Variants in MALRD1 observed in about 807,000 individuals in gnomAD.
The protein encoded by MALRD1 is MAM and LDL-receptor class A domain-containing protein 1.
Under a neutral mutation model 242.1 loss-of-function variants are expected in MALRD1, and 247 were observed. The observed-to-expected ratio is 1.02, with a 90% confidence interval of 0.92 to 1.13. The LOEUF (loss-of-function observed/expected upper bound fraction) is 1.13. Among genes scored for constraint, MALRD1 ranks in the 50% most tolerant of loss-of-function variants. The probability of loss-of-function intolerance (pLI) is 0.00; values close to 1 mark genes in which losing one functional copy is unlikely to be tolerated. For missense variants in MALRD1, 2,989 were observed against 2,533.1 expected (o/e 1.18, Z -3.86); for synonymous variants, 995 against 866.6 (o/e 1.15, Z -2.60).
intron 36 of MALRD1, among the ~76,000 whole-genome samples, chr10:19,631,635 C>T (rs7903225): frequency 0.14 from 21,837 of 152,002 alleles, 2,667 homozygotes; most frequent in African/African-American, 0.33. Flanking sequence ...CATTTTTCTC[C>T]ATAACCTCAC....
chr10:19,347,912 A>T lies in MALRD1; in HGVS notation c.4043A>T (p.Asn1348Ile). Residue 1348 changes from asparagine (N) to isoleucine (I), a missense_variant, in exon 25 of 40, where the codon AAT becomes ATT. Transcript: ENST00000454679. ...CCAGCAGCAGATCACACTTTGGGAA[A>T]TTCATCTGGTCATTACATCTTTATA... is the stretch of plus-strand genomic sequence containing the variant. ...TEPAADHTLGNSSGHYIFIKS... is the reference protein window; with the variant it reads ...TEPAADHTLGISSGHYIFIKS... 6.5e-7 allele frequency: 1 copy of T among 1,550,332 alleles called. No individual in the cohort carries two copies. The highest frequency in any genetic ancestry group is 1.2e-5 in the South Asian group (1 of 84,056).
At chr10:19,338,650 G>A (rs992424268) in intron 24 of MALRD1, among the ~76,000 whole-genome samples, 1 of 151,130 alleles carries the variant, frequency 6.6e-6, no homozygotes, top group Non-Finnish European at 1.5e-5. Context: ...ATATTTATGG[G>A]GTACATGAGA....
intron 31 of MALRD1, among the ~76,000 whole-genome samples, chr10:19,522,554 G>A (rs1450245157): frequency 6.6e-6 from 1 of 152,086 alleles, no homozygotes; most frequent in Non-Finnish European, 1.5e-5. Context: ...TTCAGTGGTA[G>A]TACCCCATTA....
intron 29 of MALRD1, among the ~76,000 whole-genome samples, chr10:19,467,684 G>A (rs1046567146): frequency 3.5e-5 from 2 of 56,534 alleles, no homozygotes; most frequent in Non-Finnish European, 7.4e-5. Context: ...TGTACCATAA[G>A]GCTTTTTTGG....
chr10:19,269,366 CTCTT>C (rs1840101336), intron 19 of MALRD1, among the ~76,000 whole-genome samples: 1 of 152,252 alleles, frequency 6.6e-6, no homozygotes, highest in Non-Finnish European at 1.5e-5. Flanking sequence ...CTCTTGCTCT[CTCTT>C]TCTATATACT....
At chr10:19,165,012 C>A (rs1286762166) in intron 12 of MALRD1, among the ~76,000 whole-genome samples, 3 of 151,274 alleles carry the variant, frequency 2.0e-5, no homozygotes, top group Non-Finnish European at 2.9e-5. Flanking sequence ...TAAAATTAAC[C>A]TAAGAAAATG....
intron 21 of MALRD1, among the ~76,000 whole-genome samples, chr10:19,308,402 G>A (rs770144915): frequency 3.2e-4 from 48 of 151,500 alleles, no homozygotes; most frequent in Non-Finnish European, 6.2e-4. Context: ...CTACAGTGAT[G>A]TAAAATACTA....
chr10:19,312,400 A>ATATATATGTATG (rs1491220851), intron 21 of MALRD1, among the ~76,000 whole-genome samples: 2 of 143,634 alleles, frequency 1.4e-5, no homozygotes, highest in African/African-American at 5.2e-5. Flanking sequence ...ATATATATAT[A>ATATATATGTATG]TGTGTATATG....
At chr10:19,602,400 G>A (rs2131579769) in intron 34 of MALRD1, among the ~76,000 whole-genome samples, 1 of 138,678 alleles carries the variant, frequency 7.2e-6, no homozygotes, top group Admixed American at 7.5e-5. Context: ...CTGTGTCCAA[G>A]TGTTCTCATT....
At chr10:19,105,103 G>A (rs932583005) in intron 5 of MALRD1, among the ~76,000 whole-genome samples, 1 of 151,760 alleles carries the variant, frequency 6.6e-6, no homozygotes, top group African/African-American at 2.4e-5. Flanking sequence ...TAGAAAACCA[G>A]AATTTATTCC....
intron 1 of MALRD1, among the ~76,000 whole-genome samples, chr10:19,065,875 T>C (rs866062225): frequency 2.0e-5 from 3 of 152,160 alleles, no homozygotes; most frequent in African/African-American, 7.2e-5. Flanking sequence ...CCACTGATGG[T>C]TGAGTTTCCA....
chr10:19,619,002 C>T (rs191766815), intron 36 of MALRD1, among the ~76,000 whole-genome samples: 2 of 152,116 alleles, frequency 1.3e-5, no homozygotes, highest in East Asian at 3.9e-4. Flanking sequence ...ACTTCGAATA[C>T]AGCTTACCAG....
intron 26 of MALRD1, among the ~76,000 whole-genome samples, chr10:19,361,057 A>G (rs1370011601): frequency 6.6e-6 from 1 of 151,514 alleles, no homozygotes; most frequent in Admixed American, 6.6e-5. Context: ...GTAGTCTGCT[A>G]TTTGCTCCTC....
chr10:19,101,391 A>G (rs1006709240), intron 4 of MALRD1, among the ~76,000 whole-genome samples: 5 of 143,314 alleles, frequency 3.5e-5, no homozygotes, highest in Non-Finnish European at 1.5e-5. Context: ...TTGGGTATGT[A>G]TATTGTATTA....
chr10:19,119,514 A>G (rs1434411020), intron 5 of MALRD1, among the ~76,000 whole-genome samples: 1 of 152,164 alleles, frequency 6.6e-6, no homozygotes, highest in Non-Finnish European at 1.5e-5. Context: ...ATGAAATCAC[A>G]GGAAGTCGGA....
intron 10 of MALRD1, among the ~76,000 whole-genome samples, chr10:19,145,006 G>A (rs1833680761): frequency 6.6e-6 from 1 of 151,920 alleles, no homozygotes; most frequent in African/African-American, 2.4e-5. Context: ...TTTGAAAACT[G>A]CCTCAGCATA....
chr10:19,404,169 T>C (rs1471721626), intron 28 of MALRD1, among the ~76,000 whole-genome samples: 1 of 152,116 alleles, frequency 6.6e-6, no homozygotes, highest in East Asian at 1.9e-4. Flanking sequence ...TACAATTTAC[T>C]ATGTTTCCTT....
chr10:19,086,499 T>C (rs1206423331), intron 2 of MALRD1, among the ~76,000 whole-genome samples: 4 of 152,052 alleles, frequency 2.6e-5, no homozygotes, highest in Admixed American at 6.6e-5. Flanking sequence ...TCAACATTTA[T>C]TTTACAGGCT....
intron 19 of MALRD1, among the ~76,000 whole-genome samples, chr10:19,270,757 G>A (rs1411150906): frequency 3.4e-5 from 5 of 148,278 alleles, no homozygotes; most frequent in Non-Finnish European, 7.4e-5. Flanking sequence ...TTAGCCTAAA[G>A]CAAAGCAAAA....
Sources: gnomAD v4.1 joint callset for allele counts (sites outside exome capture counted in the v4.1 genomes callset) on GRCh38, gnomAD v4.1.1 for gene constraint, MANE v1.5 for transcripts, NCBI Gene and HGNC (gene_info 2026-07-23, HGNC 2026-07-21) for gene names.